The following SLCO3A1 variants were observed in gnomAD, a reference collection of about 807,000 sequenced individuals.
SLCO3A1 encodes the protein PGE1 transporter.
Under a neutral mutation model 63.1 loss-of-function variants are expected in SLCO3A1, and 27 were observed. The ratio of observed to expected loss-of-function variants is 0.43; its 90% confidence interval spans 0.32 to 0.59. The LOEUF (loss-of-function observed/expected upper bound fraction) is 0.59, where lower values mean the gene tolerates loss of function less well. Ranked by LOEUF, SLCO3A1 falls within the 20% of genes least tolerant of loss-of-function variation. The pLI is 0.09. For missense variants in SLCO3A1, 773 were observed against 945.8 expected (o/e 0.82, Z 2.40); for synonymous variants, 473 against 409.9 (o/e 1.15, Z -1.86).
At chr15:91,958,304 G>C (rs988320228) in intron 2 of SLCO3A1, among the ~76,000 whole-genome samples, 3 of 152,094 alleles carry the variant, frequency 2.0e-5, no homozygotes, top group Admixed American at 1.3e-4. Flanking sequence ...TGACCCTGTC[G>C]CCTGTGTTAT....
chr15:92,164,952 A>G lies in SLCO3A1; in HGVS notation c.*1817A>G, dbSNP rs1441802905. 13 of 975,114 alleles carry G rather than the reference A, an allele frequency of 1.3e-5. No homozygotes were observed. The highest frequency in any genetic ancestry group is 1.6e-5 in the Non-Finnish European group (13 of 826,574). The allele number at this position is 975,114 out of a possible 1,614,324, so 60.4% of individuals were successfully genotyped here. On this transcript the variant is annotated 3_prime_UTR_variant, in exon 10 of 10. Coordinates refer to ENST00000318445, the MANE Select transcript of SLCO3A1 (RefSeq NM_013272.4). ...GTTCATGTCACATTCCTGGCGCTGG[A>G]AAAAAAACTCAAAGGTTGATTGGTT...
At chr15:91,956,977 G>T (rs6496882) in intron 2 of SLCO3A1, among the ~76,000 whole-genome samples, 5 of 8,994 alleles carry the variant, frequency 5.6e-4, no homozygotes, top group Non-Finnish European at 7.9e-4. Flanking sequence ...TATATATATA[G>T]TATATATAAT....
intron 6 of SLCO3A1, among the ~76,000 whole-genome samples, chr15:92,127,029 G>A (rs1333085209): frequency 6.6e-5 from 10 of 152,246 alleles, no homozygotes; most frequent in African/African-American, 1.2e-4. Context: ...GGAAGATGCA[G>A]TGGAGCCAGG....
At position 91,875,912 on chromosome 15, in the gene SLCO3A1, A is replaced by C. The variant is rs1041075465; in HGVS notation, c.180+21824A>C. Among the ~76,000 whole-genome samples the C allele has an allele frequency of 6.6e-6, 1 of 152,172 alleles. No homozygotes were observed. The highest frequency in any genetic ancestry group is 2.4e-5 in the African/African-American group (1 of 41,420). On this transcript the variant is annotated intron_variant, in intron 1 of 9. Transcript: ENST00000318445. This position sits in a 1 kb window ranked among gnomAD's most constrained non-coding sequence, Gnocchi z 4.5. Reference sequence around the variant, plus strand: ...CAAGTAATATGGCCTGCAAAGCCTAAAATAGCTGCTATCTGGCCTTTACAG... The same window carrying C: ...CAAGTAATATGGCCTGCAAAGCCTACAATAGCTGCTATCTGGCCTTTACAG...
chr15:92,009,892 A>G (rs1221545611), intron 2 of SLCO3A1, among the ~76,000 whole-genome samples: 2 of 152,192 alleles, frequency 1.3e-5, no homozygotes, highest in African/African-American at 4.8e-5. Flanking sequence ...GTGTGCATTC[A>G]TCCAATAGAG....
chr15:92,086,803 C>G (rs2047409775), intron 2 of SLCO3A1, among the ~76,000 whole-genome samples: 2 of 151,962 alleles, frequency 1.3e-5, no homozygotes, highest in Admixed American at 6.6e-5. Flanking sequence ...TGGTGAAACC[C>G]CGTCTCTACT....
intron 2 of SLCO3A1, among the ~76,000 whole-genome samples, chr15:91,919,739 C>T (rs1374623953): frequency 1.3e-5 from 2 of 151,706 alleles, no homozygotes; most frequent in African/African-American, 2.4e-5. Flanking sequence ...TTACTGTGCC[C>T]TTTCATTAGG....
chr15:92,110,008 A>G (rs1346447942), intron 4 of SLCO3A1, among the ~76,000 whole-genome samples: 1 of 152,008 alleles, frequency 6.6e-6, no homozygotes, highest in Non-Finnish European at 1.5e-5. Flanking sequence ...TCATAAACTG[A>G]CGAAAGAGGA....
At chr15:92,095,251 G>A (rs150093902) in intron 3 of SLCO3A1, among the ~76,000 whole-genome samples, 6 of 152,190 alleles carry the variant, frequency 3.9e-5, no homozygotes, top group Non-Finnish European at 7.4e-5. Flanking sequence ...TTCCTTATCT[G>A]TAAATAAAGG....
chr15:91,977,790 G>A (rs944194232), intron 2 of SLCO3A1, among the ~76,000 whole-genome samples: 11 of 152,096 alleles, frequency 7.2e-5, no homozygotes, highest in East Asian at 1.9e-4. Context: ...AAGATACCTC[G>A]ACAAAGAAAA....
intron 2 of SLCO3A1, among the ~76,000 whole-genome samples, chr15:92,010,351 A>G (rs1347101866): frequency 1.3e-5 from 2 of 152,180 alleles, no homozygotes; most frequent in Non-Finnish European, 2.9e-5. Flanking sequence ...GCACGTTAAC[A>G]TATTAAAGCC....
intron 1 of SLCO3A1, among the ~76,000 whole-genome samples, chr15:91,878,854 A>C (rs1330586144): frequency 2.6e-5 from 4 of 152,138 alleles, no homozygotes; most frequent in African/African-American, 9.7e-5. Context: ...GAGATTTTAT[A>C]ATTTTTTTCT....
At chr15:91,896,477 A>C (rs2016453137) in intron 1 of SLCO3A1, among the ~76,000 whole-genome samples, 1 of 152,090 alleles carries the variant, frequency 6.6e-6, no homozygotes, top group Admixed American at 6.5e-5. Context: ...CATAATCCCC[A>C]GATGTTGTGG....
rs1450729116 is a variant in SLCO3A1 at position 91,900,029 on chromosome 15, T to C, written c.181-15964T>C. On this transcript the variant is annotated intron_variant, in intron 1 of 9. Coordinates refer to ENST00000318445, the MANE Select transcript of SLCO3A1 (RefSeq NM_013272.4). The surrounding 1 kb of genome is among the most constrained non-coding windows in gnomAD (Gnocchi z 4.3). ...GATTGTGTTGGTGTTATATTTTTGG[T>C]TATATCACATTTTGTTTCTCTGTTA... Among the ~76,000 whole-genome samples the C allele has an allele frequency of 1.3e-5, 2 of 152,246 alleles. No homozygotes were observed. The highest frequency in any genetic ancestry group is 6.5e-5 in the Admixed American group (1 of 15,288).
chr15:92,083,467 G>A (rs2047370640), intron 2 of SLCO3A1, among the ~76,000 whole-genome samples: 1 of 152,200 alleles, frequency 6.6e-6, no homozygotes, highest in Non-Finnish European at 1.5e-5. Context: ...CCTGGGTACA[G>A]TAGGTTCTCC....
chr15:92,101,216 T>C (rs537956711), intron 3 of SLCO3A1, among the ~76,000 whole-genome samples: 1 of 152,210 alleles, frequency 6.6e-6, no homozygotes, highest in South Asian at 2.1e-4. Flanking sequence ...CTCATAAAAA[T>C]TATATTTGTT....
At chr15:92,099,291 A>G (rs998631055) in intron 3 of SLCO3A1, among the ~76,000 whole-genome samples, 1 of 152,230 alleles carries the variant, frequency 6.6e-6, no homozygotes, top group Admixed American at 6.5e-5. Context: ...AATTAGCCCA[A>G]TGGCTGCGAT....
chr15:92,063,781 C>T (rs1413426785), intron 2 of SLCO3A1, among the ~76,000 whole-genome samples: 7 of 152,160 alleles, frequency 4.6e-5, no homozygotes, highest in African/African-American at 1.4e-4. Context: ...ACCTGGGAGG[C>T]GGAGGTTGCA....
intron 5 of SLCO3A1, among the ~76,000 whole-genome samples, chr15:92,121,850 A>G (rs1029833803): frequency 2.0e-5 from 3 of 152,336 alleles, no homozygotes; most frequent in African/African-American, 7.2e-5. Flanking sequence ...GCAGTCAAGC[A>G]AGGTGAGGGC....
Sources: allele counts gnomAD v4.1 joint callset (sites outside exome capture counted in the v4.1 genomes callset), GRCh38; gene constraint gnomAD v4.1.1; non-coding constraint Gnocchi (gnomAD v3.1); transcripts MANE v1.5; gene names NCBI Gene and HGNC (gene_info 2026-07-23, HGNC 2026-07-21).